KCTD8: variants seen among roughly 807,000 people sequenced by gnomAD.
The protein encoded by KCTD8 is potassium channel tetramerization domain containing 8, also known as BTB/POZ domain-containing protein KCTD8.
KCTD8 carries 27 observed loss-of-function variants against 31.5 expected under a neutral mutation model. The ratio of observed to expected loss-of-function variants is 0.86; its 90% CI spans 0.63 to 1.18. KCTD8 has a LOEUF of 1.18. Among genes scored for constraint, KCTD8 ranks in the 50% most tolerant of loss-of-function variants. The pLI, the probability that KCTD8 is intolerant of heterozygous loss-of-function variation, is 0.00. For missense variants in KCTD8, 658 were observed against 647.7 expected, an observed-to-expected ratio of 1.02 and a Z score of -0.17; for synonymous variants, 290 against 280.0, an observed-to-expected ratio of 1.04 and a Z score of -0.36.
At chr4:44,266,252 G>T (rs1386200126) in intron 1 of KCTD8, among the ~76,000 whole-genome samples, 1 of 151,950 alleles carries the variant, frequency 6.6e-6, no homozygotes, top group Admixed American at 6.6e-5. Context: ...CATTCTTAAA[G>T]AAAAGAATTT....
At chr4:44,377,892 A>G (rs2109440753) in intron 1 of KCTD8, among the ~76,000 whole-genome samples, 2 of 152,242 alleles carry the variant, frequency 1.3e-5, no homozygotes, top group South Asian at 4.1e-4. Flanking sequence ...CAAGCATTAG[A>G]TAAAAAATCA....
intron 1 of KCTD8, among the ~76,000 whole-genome samples, chr4:44,421,315 C>T (rs2109470899): frequency 6.6e-6 from 1 of 152,098 alleles, no homozygotes; most frequent in South Asian, 2.1e-4. Context: ...TTGGTGCATT[C>T]CCTGGAGTGT....
intron 1 of KCTD8, among the ~76,000 whole-genome samples, chr4:44,211,301 T>TA: frequency 6.6e-6 from 1 of 152,328 alleles, no homozygotes; most frequent in Non-Finnish European, 1.5e-5. Context: ...ACATATTTCA[T>TA]AAAGACAGCT....
intron 1 of KCTD8, among the ~76,000 whole-genome samples, chr4:44,187,986 CACACAT>C (rs1398206360): frequency 4.8e-5 from 7 of 145,866 alleles, no homozygotes; most frequent in Admixed American, 4.7e-4. Flanking sequence ...CACACACACA[CACACAT>C]ATATATATAC....
chr4:44,337,711 T>G (rs576129940), intron 1 of KCTD8, among the ~76,000 whole-genome samples: 1 of 150,602 alleles, frequency 6.6e-6, no homozygotes, highest in South Asian at 2.1e-4. Context: ...GTATATATAT[T>G]TAGTCATTAA....
intron 1 of KCTD8, among the ~76,000 whole-genome samples, chr4:44,378,352 C>A (rs890272121): frequency 1.3e-5 from 2 of 150,312 alleles, no homozygotes; most frequent in African/African-American, 2.4e-5. Flanking sequence ...TGAGATATAC[C>A]TAATGTAAAT....
chr4:44,181,849 C>A (rs1342606146), intron 1 of KCTD8, among the ~76,000 whole-genome samples: 1 of 151,336 alleles, frequency 6.6e-6, no homozygotes, highest in Non-Finnish European at 1.5e-5. Context: ...GGGAGCGCCT[C>A]TGCCCGGCCG....
At chr4:44,289,216 T>C (rs1031973044) in intron 1 of KCTD8, among the ~76,000 whole-genome samples, 4 of 151,208 alleles carry the variant, frequency 2.6e-5, no homozygotes, top group African/African-American at 7.3e-5. Flanking sequence ...ATTATATAAT[T>C]GCATAACATT....
intron 1 of KCTD8, among the ~76,000 whole-genome samples, chr4:44,265,047 C>T (rs1333746641): frequency 1.3e-5 from 2 of 152,134 alleles, no homozygotes; most frequent in Admixed American, 1.3e-4. Flanking sequence ...AGTGGTTCTC[C>T]CAGCACGCAG....
At chr4:44,331,667 T>G (rs1483856214) in intron 1 of KCTD8, among the ~76,000 whole-genome samples, 1 of 150,344 alleles carries the variant, frequency 6.7e-6, no homozygotes, top group Non-Finnish European at 1.5e-5. Flanking sequence ...TATATTTTTA[T>G]TGAAATTACA....
intron 1 of KCTD8, among the ~76,000 whole-genome samples, chr4:44,380,207 A>G (rs1453616123): frequency 6.6e-6 from 1 of 151,992 alleles, no homozygotes; most frequent in Admixed American, 6.6e-5. Context: ...CACTTCATAT[A>G]TACCATCCTT....
chr4:44,412,896 AAC>A (rs1331074654), intron 1 of KCTD8, among the ~76,000 whole-genome samples: 1 of 152,166 alleles, frequency 6.6e-6, no homozygotes, highest in African/African-American at 2.4e-5. Context: ...GTCGTTCCAA[AAC>A]ACAGAATAAA....
At position 44,251,691 on chromosome 4, in the gene KCTD8, G is replaced by A. The variant is rs142977628; in HGVS notation, c.962-76441C>T. Reference sequence around the variant, plus strand: ...TTTTGTTCTTCCTTTAAAATAGAATGTCTCTAACATTTCTCCATTAAGAAT... The same window carrying A: ...TTTTGTTCTTCCTTTAAAATAGAATATCTCTAACATTTCTCCATTAAGAAT... On this transcript the variant is annotated intron_variant, in intron 1 of 1. Coordinates refer to ENST00000360029, the MANE Select transcript of KCTD8 (RefSeq NM_198353.3). Among the ~76,000 whole-genome samples the A allele has an allele frequency of 6.1e-3, 917 of 151,214 alleles. 13 individuals carry two copies. The highest frequency in any genetic ancestry group is 0.021 in the African/African-American group (853 of 41,314).
intron 1 of KCTD8, among the ~76,000 whole-genome samples, chr4:44,218,862 C>T (rs908836184): frequency 6.6e-5 from 10 of 152,092 alleles, no homozygotes; most frequent in Admixed American, 6.6e-4. Flanking sequence ...CTTCATGAAA[C>T]TGTAACCAGA....
chr4:44,233,701 A>C (rs1183889179), intron 1 of KCTD8, among the ~76,000 whole-genome samples: 1 of 152,212 alleles, frequency 6.6e-6, no homozygotes, highest in Non-Finnish European at 1.5e-5. Flanking sequence ...ACCAACATTT[A>C]GATTATGAAT....
intron 1 of KCTD8, among the ~76,000 whole-genome samples, chr4:44,312,581 C>T (rs1338564325): frequency 1.3e-5 from 2 of 152,068 alleles, no homozygotes; most frequent in African/African-American, 2.4e-5. Context: ...CACTGATGCA[C>T]CTGGAAAGCA....
intron 1 of KCTD8, among the ~76,000 whole-genome samples, chr4:44,216,701 A>C (rs1251501923): frequency 1.3e-5 from 2 of 152,178 alleles, no homozygotes; most frequent in African/African-American, 2.4e-5. Flanking sequence ...AAAAGAAAAA[A>C]AAATTCATGA....
At chr4:44,232,490 A>G (rs1385456281) in intron 1 of KCTD8, among the ~76,000 whole-genome samples, 1 of 152,182 alleles carries the variant, frequency 6.6e-6, no homozygotes, top group Non-Finnish European at 1.5e-5. Context: ...TAATAGGGCT[A>G]TACAAGTCAT....
At chr4:44,369,638 T>C (rs1719732314) in intron 1 of KCTD8, among the ~76,000 whole-genome samples, 1 of 152,028 alleles carries the variant, frequency 6.6e-6, no homozygotes, top group Non-Finnish European at 1.5e-5. Context: ...AAACCCTGCC[T>C]TTACAAAGAT....
Sources: allele counts gnomAD v4.1 joint callset (sites outside exome capture counted in the v4.1 genomes callset), GRCh38; gene constraint gnomAD v4.1.1; transcripts MANE v1.5; gene names NCBI Gene and HGNC (gene_info 2026-07-23, HGNC 2026-07-21).